SLC39A14: variants seen among roughly 807,000 people sequenced by gnomAD.
The protein encoded by SLC39A14 is metal cation symporter ZIP14.
A neutral mutation model predicts 45.5 loss-of-function variants in SLC39A14; 19 were observed. That is an observed-to-expected ratio of 0.42 (90% CI 0.29 to 0.61). The LOEUF (loss-of-function observed/expected upper bound fraction) is 0.61, where lower values mean the gene tolerates loss of function less well. SLC39A14 is among the 20% of genes least tolerant of loss of function. The pLI is 0.22. For missense variants in SLC39A14, 447 were observed against 616.5 expected (o/e 0.73, Z 2.91); for synonymous variants, 264 against 251.3 (o/e 1.05, Z -0.48).
intron 1 of SLC39A14, among the ~76,000 whole-genome samples, chr8:22,390,963 C>T (rs1314027372): frequency 1.3e-5 from 2 of 152,168 alleles, no homozygotes; most frequent in Admixed American, 1.3e-4. Flanking sequence ...TGGTGTGGCT[C>T]ATGGCAAGGA....
chr8:22,421,913 A>G lies in SLC39A14; in HGVS notation c.*2215A>G. The G allele has an allele frequency of 1.0e-6, 1 of 985,422 alleles. No individual in the cohort carries two copies. The highest frequency in any genetic ancestry group is 1.2e-6 in the Non-Finnish European group (1 of 829,920). 61.0% of individuals were successfully genotyped at this position (985,422 alleles called of 1,614,324 possible). Reference sequence around the variant, plus strand: ...TACCTTAAGAAATTTCCTTCCATAGACAGCTGCCTCAAAGGGAAATCCTCT... The same window carrying G: ...TACCTTAAGAAATTTCCTTCCATAGGCAGCTGCCTCAAAGGGAAATCCTCT... On this transcript the variant is annotated 3_prime_UTR_variant, in exon 9 of 9. Transcript: ENST00000381237.
intron 1 of SLC39A14, among the ~76,000 whole-genome samples, chr8:22,383,014 G>A (rs920335614): frequency 1.3e-5 from 2 of 151,966 alleles, no homozygotes; most frequent in African/African-American, 2.4e-5. Context: ...CACCGCGGCC[G>A]GTGGCGGTGT....
chr8:22,373,556 A>C (rs1833046918), intron 1 of SLC39A14, among the ~76,000 whole-genome samples: 1 of 152,158 alleles, frequency 6.6e-6, no homozygotes, highest in Admixed American at 6.6e-5. Context: ...GGTACGTGTC[A>C]CATTTCATGT....
chr8:22,415,678 C>T, intron 5 of SLC39A14, 91 bp from the exon 6 acceptor site: 3 of 1,200,636 alleles, frequency 2.5e-6, no homozygotes, highest in Non-Finnish European at 3.5e-6. Flanking sequence ...TGAGGTCTTC[C>T]AGTGTGTGAA....
At chr8:22,389,234 G>A (rs1833939786) in intron 1 of SLC39A14, among the ~76,000 whole-genome samples, 1 of 152,130 alleles carries the variant, frequency 6.6e-6, no homozygotes. Context: ...GGGTTATGGG[G>A]GGAAGTGCTA....
chr8:22,398,802 G>A, intron 1 of SLC39A14: 11 of 971,934 alleles, frequency 1.1e-5, no homozygotes, highest in Non-Finnish European at 1.3e-5. Context: ...GTGACGGTAG[G>A]TGGAATTCCA....
chr8:22,391,819 T>C (rs1045491573), intron 1 of SLC39A14, among the ~76,000 whole-genome samples: 2 of 152,104 alleles, frequency 1.3e-5, no homozygotes, highest in Non-Finnish European at 2.9e-5. Context: ...CCGCCTGCCT[T>C]GGCCTCCCAA....
At chr8:22,417,228 G>T (rs995812176) in intron 7 of SLC39A14, among the ~76,000 whole-genome samples, 2 of 152,218 alleles carry the variant, frequency 1.3e-5, no homozygotes, top group African/African-American at 4.8e-5. Flanking sequence ...GAGGAAGGGG[G>T]TTCCTTCTGT....
chr8:22,431,604 C>T (rs1445432277), intron 8 of SLC39A14, among the ~76,000 whole-genome samples: 1 of 152,130 alleles, frequency 6.6e-6, no homozygotes, highest in East Asian at 1.9e-4. Flanking sequence ...AGGAAATACA[C>T]CAAAGCTCAC....
chr8:22,407,665 A>G (rs778550050), intron 2 of SLC39A14, among the ~76,000 whole-genome samples: 11 of 149,034 alleles, frequency 7.4e-5, no homozygotes, highest in Non-Finnish European at 1.2e-4. Context: ...CTGGCCCCAG[A>G]ATGGTGTTTT....
At chr8:22,433,920 A>G in exon 9 of SLC39A14, 1 of 422,300 alleles carries the variant, frequency 2.4e-6, no homozygotes, top group East Asian at 8.3e-5. Context: ...CCCAGGCTGG[A>G]GTGCAATGGT....
chr8:22,416,972 G>A (rs979662676), intron 7 of SLC39A14, among the ~76,000 whole-genome samples: 1 of 152,184 alleles, frequency 6.6e-6, no homozygotes, highest in Admixed American at 6.5e-5. Flanking sequence ...TTTGTAGCCT[G>A]TTAATCTTCC....
At chr8:22,371,410 A>G (rs1037364563) in intron 1 of SLC39A14, among the ~76,000 whole-genome samples, 3 of 59,304 alleles carry the variant, frequency 5.1e-5, no homozygotes, top group African/African-American at 3.0e-4. Context: ...AAAAAAATAC[A>G]TGTCTTTTTT....
chr8:22,400,383 G>A (rs1220927125), intron 1 of SLC39A14, among the ~76,000 whole-genome samples: 1 of 152,202 alleles, frequency 6.6e-6, no homozygotes, highest in Non-Finnish European at 1.5e-5. Flanking sequence ...AATGCTAGCT[G>A]CTGTCCATCA....
At chr8:22,398,074 A>T (rs910180980) in intron 1 of SLC39A14, among the ~76,000 whole-genome samples, 6 of 152,104 alleles carry the variant, frequency 3.9e-5, no homozygotes, top group Non-Finnish European at 7.4e-5. Context: ...TCTTAGGATG[A>T]TTCACTGAGG....
At chr8:22,406,727 C>T (rs759988575) in intron 2 of SLC39A14, among the ~76,000 whole-genome samples, 1 of 152,102 alleles carries the variant, frequency 6.6e-6, no homozygotes, top group Non-Finnish European at 1.5e-5. Flanking sequence ...GGGGGAACCA[C>T]GTGGCTTGGA....
chr8:22,368,260 C>G (rs1832742044), intron 1 of SLC39A14, among the ~76,000 whole-genome samples: 1 of 152,110 alleles, frequency 6.6e-6, no homozygotes, highest in Admixed American at 6.6e-5. Context: ...GACCCTTCTT[C>G]CTGGAGCAAG....
At position 22,392,151 on chromosome 8, in the gene SLC39A14, C is replaced by T. The variant is rs569199613; in HGVS notation, c.-15-12545C>T. ...AAAGTGCTGGAAAAGTGACCCAAGA[C>T]GGCTTCCTGGACAGGGAGGCAATTG... On this transcript the variant is annotated intron_variant, in intron 1 of 8. Coordinates refer to ENST00000381237, the MANE Select transcript of SLC39A14 (RefSeq NM_001128431.4). Among the ~76,000 whole-genome samples the T allele has an allele frequency of 3.3e-5, 5 of 152,174 alleles. No individual in the cohort carries two copies. In the South Asian group the frequency reaches 6.2e-4, roughly 19 times the overall value.
intron 4 of SLC39A14, among the ~76,000 whole-genome samples, chr8:22,414,544 A>G (rs1835762628): frequency 6.6e-6 from 1 of 152,238 alleles, no homozygotes; most frequent in Non-Finnish European, 1.5e-5. Context: ...TCTACAGATG[A>G]TCAGTCTTTT....
Sources: allele counts gnomAD v4.1 joint callset (sites outside exome capture counted in the v4.1 genomes callset), GRCh38; gene constraint gnomAD v4.1.1; transcripts MANE v1.5; gene names NCBI Gene and HGNC (gene_info 2026-07-23, HGNC 2026-07-21).